Variants in EPC2 observed in about 807,000 individuals in gnomAD.
EPC2 encodes enhancer of polycomb homolog 2.
EPC2 carries 14 observed loss-of-function variants against 92.1 expected under a neutral mutation model. The ratio of observed to expected loss-of-function variants is 0.15; its 90% CI spans 0.10 to 0.24. The LOEUF (loss-of-function observed/expected upper bound fraction) is 0.24. Ranked by LOEUF, EPC2 falls within the 10% of genes least tolerant of loss-of-function variation. The probability of loss-of-function intolerance (pLI) is 1.00; values close to 1 mark genes in which losing one functional copy is unlikely to be tolerated. For synonymous variants in EPC2, 340 were observed against 334.7 expected, an observed-to-expected ratio of 1.02 and a Z score of -0.17; for missense variants, 755 against 971.5, an observed-to-expected ratio of 0.78 and a Z score of 2.96.
chr2:148,765,248 C>T, intron 7 of EPC2, 102 bp downstream of exon 7: 1 of 798,230 alleles, frequency 1.3e-6, no homozygotes, highest in Non-Finnish European at 1.9e-6. Flanking sequence ...TTGCTTTGTT[C>T]CCCTAATGTA....
chr2:148,754,182 A>T, intron 4 of EPC2, 49 bp downstream of exon 4: 1 of 1,375,608 alleles, frequency 7.3e-7, no homozygotes, highest in Admixed American at 2.6e-5. Context: ...AGTATTCAAG[A>T]TCAATCTTTT....
intron 2 of EPC2, among the ~76,000 whole-genome samples, chr2:148,708,231 C>A (rs1327809013): frequency 6.6e-6 from 1 of 152,168 alleles, no homozygotes; most frequent in Admixed American, 6.5e-5. Context: ...CACAAATAAA[C>A]TAGAAAATCT....
In EPC2 at chr2:148,761,846, C is replaced by A; in HGVS notation, c.731C>A (p.Ala244Asp). ...MLKLRREFSR[A>D]ITILEMIKRR... ...AAACTGAGACGAGAATTTAGTAGAG[C>A]CATAACAATTTTGGAAATGATTAAG... The change falls in exon 5 of 14, where the codon GCC becomes GAC. Residue 244 changes from alanine (A) to aspartate (D), a missense_variant. Around this residue, in one of 4 missense-constraint regions of EPC2, gnomAD observed 509 missense variants for 607.7 expected, o/e 0.84. Transcript: ENST00000258484. 2 of 1,590,956 alleles carry A rather than the reference C, an allele frequency of 1.3e-6. No individual in the cohort carries two copies. Among genetic ancestry groups the A allele is most frequent in the Admixed American group, 1.8e-5 (1 of 56,336 alleles).
At chr2:148,756,499 G>A (rs780320899) in intron 4 of EPC2, among the ~76,000 whole-genome samples, 25 of 152,204 alleles carry the variant, frequency 1.6e-4, no homozygotes, top group Non-Finnish European at 2.9e-4. Context: ...CACTTGTGTA[G>A]TTGATGCAAA....
At chr2:148,650,282 T>G (rs1680651149) in intron 1 of EPC2, among the ~76,000 whole-genome samples, 1 of 152,168 alleles carries the variant, frequency 6.6e-6, no homozygotes, top group African/African-American at 2.4e-5. Context: ...TCCCCCAATA[T>G]CTATCTATAT....
rs1170003982 is a variant in EPC2, at chr2:148,771,142, A to G, written c.1475A>G (p.Asp492Gly). The change falls in exon 10 of 14, where the codon GAC (aspartate) becomes GGC (glycine). Residue 492 changes from aspartate (D) to glycine (G), a missense_variant. Transcript: ENST00000258484. ...TTTTCAAGCTCTTCCCAAACTATAG[A>G]CTTTTCTTCTAATTTCTCTCGGACC... ...NSFSSSSQTI[D>G]FSSNFSRTNA... 1 of 1,613,982 alleles carries G rather than the reference A, an allele frequency of 6.2e-7. No homozygotes were observed. Among genetic ancestry groups the G allele is most frequent in the South Asian group, 1.1e-5 (1 of 91,090 alleles).
chr2:148,678,393 T>G (rs1161183691), intron 1 of EPC2, among the ~76,000 whole-genome samples: 1 of 152,210 alleles, frequency 6.6e-6, no homozygotes, highest in Non-Finnish European at 1.5e-5. Context: ...TCCCACACAT[T>G]GCACCCGCAT....
At chr2:148,729,971 C>T (rs989881706) in intron 2 of EPC2, among the ~76,000 whole-genome samples, 9 of 152,138 alleles carry the variant, frequency 5.9e-5, no homozygotes, top group African/African-American at 2.2e-4. Flanking sequence ...GTGTAGTTAG[C>T]TAGTCAGCAA....
intron 1 of EPC2, among the ~76,000 whole-genome samples, chr2:148,676,501 A>G (rs1681263798): frequency 6.6e-6 from 1 of 152,104 alleles, no homozygotes; most frequent in East Asian, 1.9e-4. Flanking sequence ...GAAGATTTAG[A>G]AAATACAGAG....
At chr2:148,771,010 C>T in intron 9 of EPC2, 34 bp from the exon 10 acceptor site, 1 of 1,593,120 alleles carries the variant, frequency 6.3e-7, no homozygotes, top group Non-Finnish European at 8.5e-7. Flanking sequence ...GTTCAGCTCT[C>T]TCAGTTAATA....
At chr2:148,653,791 TGAA>T (rs34076006) in intron 1 of EPC2, among the ~76,000 whole-genome samples, 20,600 of 151,758 alleles carry the variant, frequency 0.14, 2,308 homozygotes, top group East Asian at 0.46. Context: ...GCTAATTTGG[TGAA>T]GTTGTTGGAA....
At chr2:148,649,828 T>A (rs949594200) in intron 1 of EPC2, among the ~76,000 whole-genome samples, 8 of 152,188 alleles carry the variant, frequency 5.3e-5, no homozygotes, top group East Asian at 1.9e-4. Context: ...GTAAATAATA[T>A]TTTACTTTTT....
At chr2:148,663,268 G>T (rs1449961544) in intron 1 of EPC2, among the ~76,000 whole-genome samples, 1 of 148,734 alleles carries the variant, frequency 6.7e-6, no homozygotes, top group Non-Finnish European at 1.5e-5. Context: ...GCCCAAGCTG[G>T]AAAGCAGTGG....
At chr2:148,725,919 T>C (rs1682485667) in intron 2 of EPC2, among the ~76,000 whole-genome samples, 2 of 152,174 alleles carry the variant, frequency 1.3e-5, no homozygotes, top group East Asian at 1.9e-4. Context: ...TCTAAAACTT[T>C]TACATTTTGT....
intron 4 of EPC2, among the ~76,000 whole-genome samples, chr2:148,758,562 A>AT: frequency 1.3e-5 from 2 of 151,888 alleles, no homozygotes; most frequent in African/African-American, 4.8e-5. Flanking sequence ...CACCCGGGTA[A>AT]TTTTTGTATT....
At chr2:148,676,133 T>G (rs939475630) in intron 1 of EPC2, among the ~76,000 whole-genome samples, 2 of 152,104 alleles carry the variant, frequency 1.3e-5, no homozygotes, top group Non-Finnish European at 2.9e-5. Flanking sequence ...CTTAGTTTTT[T>G]TTTTTTTAAA....
chr2:148,665,880 A>G (rs1574569141), intron 1 of EPC2, among the ~76,000 whole-genome samples: 1 of 152,210 alleles, frequency 6.6e-6, no homozygotes, highest in African/African-American at 2.4e-5. Flanking sequence ...TTTATAGTAA[A>G]TGGGCACTTA....
Position 148,784,739 on chromosome 2 carries a change from G to GT in EPC2, c.2090dup (p.Arg698LysfsTer38). 6.2e-7 allele frequency: 1 copy of GT among 1,613,984 alleles called. No individual in the cohort carries two copies. Among genetic ancestry groups the GT allele is most frequent in the Non-Finnish European group, 8.5e-7 (1 of 1,179,872 alleles). On this transcript the variant is annotated frameshift_variant, in exon 13 of 14. Coordinates refer to ENST00000258484, the MANE Select transcript of EPC2 (RefSeq NM_015630.4). LOFTEE classifies it high-confidence loss of function. ...CCCAGGGATTTCAGCTGTACAGCTTGTAAGGACAGTTGGCCACACCACTAC... is the reference window on the plus strand; with the variant it reads ...CCCAGGGATTTCAGCTGTACAGCTTGTTAAGGACAGTTGGCCACACCACTAC...
chr2:148,719,261 C>G (rs919924234), intron 2 of EPC2, among the ~76,000 whole-genome samples: 4 of 152,172 alleles, frequency 2.6e-5, no homozygotes, highest in African/African-American at 9.7e-5. Flanking sequence ...ATCTCAGTGT[C>G]AGCCCAGTTC....
Sources: allele counts gnomAD v4.1 joint callset (sites outside exome capture counted in the v4.1 genomes callset), GRCh38; gene constraint gnomAD v4.1.1; regional missense constraint gnomAD v4.1.1; transcripts MANE v1.5; gene names NCBI Gene and HGNC (gene_info 2026-07-23, HGNC 2026-07-21).